The following UQCRC1 variants were observed in gnomAD, a reference collection of about 807,000 sequenced individuals.
The protein encoded by UQCRC1 is cytochrome b-c1 complex subunit 1, mitochondrial.
Under a neutral mutation model 58.0 loss-of-function variants are expected in UQCRC1, and 34 were observed. The observed-to-expected ratio is 0.59, with a 90% confidence interval of 0.45 to 0.78. The LOEUF is 0.78. UQCRC1 is among the 30% of genes least tolerant of loss of function. The pLI, the probability that UQCRC1 is intolerant of heterozygous loss-of-function variation, is 0.00. For missense variants in UQCRC1, 610 were observed against 646.0 expected (o/e 0.94, Z 0.60); for synonymous variants, 276 against 248.8 (o/e 1.11, Z -1.03).
intron 2 of UQCRC1, among the ~76,000 whole-genome samples, chr3:48,608,907 CAA>C (rs1300706625): frequency 6.6e-6 from 1 of 152,160 alleles, no homozygotes; most frequent in Non-Finnish European, 1.5e-5. Context: ...GGCTCCTTAA[CAA>C]AAGGCTGGAA....
chr3:48,604,724 G>A lies in UQCRC1; in HGVS notation c.354C>T (p.Ala118=), dbSNP rs765442485. 3 of 1,614,054 alleles carry A rather than the reference G, an allele frequency of 1.9e-6. No homozygotes were observed. The highest frequency in any genetic ancestry group is 1.1e-5 in the South Asian group (1 of 91,060). Residue 118 remains alanine (A), a synonymous_variant, in exon 4 of 13, where the codon GCC becomes GCT. Transcript: ENST00000203407. ...ALEKEVESMG[A]HLNAYSTREH... is the part of the protein sequence containing the mutation. ...CCCGGGTGCTGTAGGCATTAAGATG[G>A]GCCCCCATGCTCTCCACCTCCTTCT...
chr3:48,606,598 T>C (rs2046414933), intron 2 of UQCRC1, among the ~76,000 whole-genome samples: 1 of 152,032 alleles, frequency 6.6e-6, no homozygotes, highest in Non-Finnish European at 1.5e-5. Flanking sequence ...AATACAAAAA[T>C]TAGCCAGGTG....
intron 3 of UQCRC1, among the ~76,000 whole-genome samples, chr3:48,605,302 C>T (rs2046401963): frequency 6.6e-6 from 1 of 152,214 alleles, no homozygotes; most frequent in African/African-American, 2.4e-5. Flanking sequence ...ATACCTGTGA[C>T]ATTGCAGCTG....
At chr3:48,600,257 TG>T in intron 10 of UQCRC1, 106 bp from the exon 11 acceptor site, 1 of 1,301,102 alleles carries the variant, frequency 7.7e-7, no homozygotes, top group Non-Finnish European at 1.1e-6. Flanking sequence ...CCTGACCTCA[TG>T]CTGACTCAGA....
chr3:48,599,587 G>A (rs2046342743), intron 12 of UQCRC1, 48 bp downstream of exon 12: 1 of 1,596,084 alleles, frequency 6.3e-7, no homozygotes, highest in Non-Finnish European at 8.6e-7. Flanking sequence ...GAGGCCAAGA[G>A]AACGGCCTGA....
At chr3:48,607,183 A>T (rs1165692305) in intron 2 of UQCRC1, among the ~76,000 whole-genome samples, 1 of 152,112 alleles carries the variant, frequency 6.6e-6, no homozygotes, top group African/African-American at 2.4e-5. Context: ...CTGGAACTAC[A>T]GGCGCCCGCC....
chr3:48,601,782 G>A (rs2046368366), intron 6 of UQCRC1, among the ~76,000 whole-genome samples: 1 of 152,176 alleles, frequency 6.6e-6, no homozygotes, highest in African/African-American at 2.4e-5. Context: ...CCTACATCAA[G>A]GACAAGACTG....
chr3:48,603,440 A>T, intron 6 of UQCRC1, 124 bp downstream of exon 6: 1 of 890,580 alleles, frequency 1.1e-6, no homozygotes, highest in Non-Finnish European at 1.8e-6. Flanking sequence ...CATTCCCCTC[A>T]AGGTTAGGGT....
chr3:48,604,432 C>T lies in UQCRC1; in HGVS notation c.428-1G>A, dbSNP rs564772515. 1.2e-6 allele frequency: 2 copies of T among 1,613,742 alleles called. No individual in the cohort carries two copies. The highest frequency in any genetic ancestry group is 2.2e-5 in the South Asian group (2 of 91,070). ...ACAATGTCACCCAGGAGCTCCACAG[C>T]TAGATGCAAGGAGGACATGTTTAGG... On this transcript the variant is annotated splice_acceptor_variant, in intron 4 of 12. Coordinates refer to ENST00000203407, the MANE Select transcript of UQCRC1 (RefSeq NM_003365.3). LOFTEE classifies it high-confidence loss of function.
intron 6 of UQCRC1, among the ~76,000 whole-genome samples, chr3:48,602,735 C>T (rs545296525): frequency 1.3e-5 from 2 of 151,862 alleles, no homozygotes; most frequent in South Asian, 4.2e-4. Flanking sequence ...GTTGGCTGGG[C>T]TGGTCTCGAA....
rs749367423 is a variant in UQCRC1 at position 48,599,095 on chromosome 3, G to A, written c.*33C>T. 31 of 1,610,054 alleles carry A rather than the reference G, an allele frequency of 1.9e-5. No individual in the cohort carries two copies. The highest frequency in any genetic ancestry group is 3.3e-4 in the Middle Eastern group (2 of 6,000). On this transcript the variant is annotated 3_prime_UTR_variant, in exon 13 of 13. Transcript: ENST00000203407. ...TGGTGGGGGGGGGACCACAAACCCC[G>A]GCCCTGCCCTCTTGCTTACATAGGC...
In UQCRC1 at chr3:48,601,334, G is replaced by T; in HGVS notation, c.822+18C>A. The stretch of plus-strand genomic sequence containing the variant: ...AGGCCCCCAGCTGAGCACTACTCCT[G>T]CCCAAAAGGCAGCATACCTCACTGC... On this transcript the variant is annotated intron_variant, in intron 7 of 12. Transcript: ENST00000203407. 6.2e-7 allele frequency: 1 copy of T among 1,613,218 alleles called. No homozygotes were observed. The highest frequency in any genetic ancestry group is 2.2e-5 in the East Asian group (1 of 44,856).
At position 48,601,003 on chromosome 3, in the gene UQCRC1, T is replaced by C; in HGVS notation, c.938A>G (p.His313Arg). The change falls in exon 8 of 13, where the codon CAC (histidine) becomes CGC (arginine). Residue 313 changes from histidine to arginine, a missense_variant. Transcript: ENST00000203407. ...ALQVANAIIG[H>R]YDCTYGGGVH... ...GCCACCACCATAAGTGCAGTCATAG[T>C]GGCCGATGATGGCATTGGCCACTTG... 3 of 1,607,532 alleles carry C rather than the reference T, an allele frequency of 1.9e-6. No homozygotes were observed. The highest frequency in any genetic ancestry group is 2.6e-6 in the Non-Finnish European group (3 of 1,174,714).
chr3:48,599,075 G>A lies in UQCRC1; in HGVS notation c.*53C>T, dbSNP rs370109439. ...GAGCCGAAGTGCTGTGTTTGTGGTGGGGGGGGGACCACAAACCCCGGCCCT... is the reference window on the plus strand; with the variant it reads ...GAGCCGAAGTGCTGTGTTTGTGGTGAGGGGGGGACCACAAACCCCGGCCCT... On this transcript the variant is annotated 3_prime_UTR_variant, in exon 13 of 13. Transcript: ENST00000203407. The A allele has an allele frequency of 8.8e-6, 14 of 1,590,430 alleles. No homozygotes were observed. The highest frequency in any genetic ancestry group is 1.7e-5 in the Admixed American group (1 of 59,434).
chr3:48,599,713 G>T lies in UQCRC1; in HGVS notation c.1303-3C>A. 1 of 1,613,620 alleles carries T rather than the reference G, an allele frequency of 6.2e-7. No homozygotes were observed. The highest frequency in any genetic ancestry group is 1.3e-5 in the African/African-American group (1 of 75,034). On this transcript the variant is annotated splice_polypyrimidine_tract_variant and splice_region_variant and intron_variant, in intron 11 of 12. Transcript: ENST00000203407. ...CGTACCACACTGGCATCCACCTCCT[G>T]CAGGGTGAGGCAGAGGGCATACTGG...
At chr3:48,607,327 C>T (rs1264696349) in intron 2 of UQCRC1, among the ~76,000 whole-genome samples, 1 of 152,176 alleles carries the variant, frequency 6.6e-6, no homozygotes, top group Admixed American at 6.5e-5. Context: ...AGGCGTGAGC[C>T]ACCGCGTCTA....
chr3:48,609,646 C>A lies in UQCRC1; in HGVS notation c.-26G>T. On this transcript the variant is annotated 5_prime_UTR_variant, in exon 1 of 13. Coordinates refer to ENST00000203407, the MANE Select transcript of UQCRC1 (RefSeq NM_003365.3). ...CTTCCAGCTGCAGTCGGCCCTGTTG[C>A]GCCGCGCAAGCGTAGACTGGGCGCG... 6.5e-7 allele frequency: 1 copy of A among 1,543,102 alleles called. No homozygotes were observed. Among genetic ancestry groups the A allele is most frequent in the Non-Finnish European group, 8.7e-7 (1 of 1,147,892 alleles).
chr3:48,605,180 T>C (rs1183800274), intron 3 of UQCRC1, among the ~76,000 whole-genome samples: 1 of 152,224 alleles, frequency 6.6e-6, no homozygotes, highest in Non-Finnish European at 1.5e-5. Context: ...TTCCCATGAC[T>C]GTATGTTTGT....
rs767199134 is a variant in UQCRC1 at position 48,599,612 on chromosome 3, A to T, written c.1378+23T>A. On this transcript the variant is annotated intron_variant, in intron 12 of 12. Coordinates refer to ENST00000203407, the MANE Select transcript of UQCRC1 (RefSeq NM_003365.3). Reference sequence around the variant, plus strand: ...GAACGGCCTGAGGAAATAAACAAAGAGCAGACCCCCTAGGCCACTTACCAT... The same window carrying T: ...GAACGGCCTGAGGAAATAAACAAAGTGCAGACCCCCTAGGCCACTTACCAT... The T allele has an allele frequency of 5.0e-6, 8 of 1,612,946 alleles. No homozygotes were observed. In the Admixed American group the frequency reaches 5.0e-5, roughly 10 times the overall value.
Sources: allele counts gnomAD v4.1 joint callset (sites outside exome capture counted in the v4.1 genomes callset), GRCh38; gene constraint gnomAD v4.1.1; transcripts MANE v1.5; gene names NCBI Gene and HGNC (gene_info 2026-07-23, HGNC 2026-07-21).